The following CDC14B variants were observed in gnomAD, a reference collection of about 807,000 sequenced individuals.
CDC14B encodes dual specificity protein phosphatase CDC14B.
In CDC14B, 22 loss-of-function variants were observed where a neutral mutation model predicts 64.2. The ratio of observed to expected loss-of-function variants is 0.34; its 90% CI spans 0.24 to 0.49. The LOEUF (loss-of-function observed/expected upper bound fraction) is 0.49. CDC14B is among the 20% of genes least tolerant of loss of function. The probability of loss-of-function intolerance (pLI) is 0.99; values close to 1 mark genes in which losing one functional copy is unlikely to be tolerated. For synonymous variants in CDC14B, 191 were observed against 215.8 expected, an observed-to-expected ratio of 0.89 and a Z score of 1.01; for missense variants, 498 against 629.9, an observed-to-expected ratio of 0.79 and a Z score of 2.24.
intron 1 of CDC14B, among the ~76,000 whole-genome samples, chr9:96,580,202 C>T (rs1041466517): frequency 1.3e-5 from 2 of 151,174 alleles, no homozygotes; most frequent in African/African-American, 4.9e-5. Context: ...TGATAGCAAT[C>T]CTAGGGAAAG....
intron 1 of CDC14B, among the ~76,000 whole-genome samples, chr9:96,569,742 A>G (rs1844362806): frequency 6.6e-6 from 1 of 152,078 alleles, no homozygotes; most frequent in African/African-American, 2.4e-5. Flanking sequence ...CTCCTGCCTC[A>G]GCCTCCCAAG....
chr9:96,503,547 C>A lies in CDC14B; in HGVS notation c.*206G>T, dbSNP rs1564187024. On this transcript the variant is annotated 3_prime_UTR_variant, in exon 14 of 14. Transcript: ENST00000375241. ...GCATGTTTGTCATTCAGCTTGAGAG[C>A]TGGACCCTTCTCTGAGTCATTTGCT... 1.4e-5 allele frequency: 8 copies of A among 585,616 alleles called. No homozygotes were observed. Among genetic ancestry groups the A allele is most frequent in the Non-Finnish European group, 2.1e-5 (7 of 331,800 alleles). The allele number at this position is 585,616 out of a possible 1,614,324, so 36.3% of individuals were successfully genotyped here.
chr9:96,534,324 T>C (rs1838963726), intron 8 of CDC14B, 131 bp downstream of exon 8: 1 of 770,186 alleles, frequency 1.3e-6, no homozygotes, highest in Admixed American at 2.8e-5. Context: ...GTCAGAATGA[T>C]CTACTGAAGT....
chr9:96,568,156 C>T (rs1263820953), intron 1 of CDC14B, among the ~76,000 whole-genome samples: 1 of 152,074 alleles, frequency 6.6e-6, no homozygotes, highest in East Asian at 1.9e-4. Flanking sequence ...ATACTTTTGC[C>T]TCAAAAGTAA....
chr9:96,591,664 T>C (rs939920274), intron 1 of CDC14B, among the ~76,000 whole-genome samples: 5 of 152,194 alleles, frequency 3.3e-5, no homozygotes. Flanking sequence ...TGCAGATAGC[T>C]TTAGGTAGTT....
intron 1 of CDC14B, among the ~76,000 whole-genome samples, chr9:96,606,823 C>A (rs1389358322): frequency 6.6e-6 from 1 of 152,028 alleles, no homozygotes; most frequent in Non-Finnish European, 1.5e-5. Flanking sequence ...GCCTCAGCCT[C>A]CCAAAGTGCT....
intron 1 of CDC14B, among the ~76,000 whole-genome samples, chr9:96,589,387 C>T (rs1845653856): frequency 6.6e-6 from 1 of 151,438 alleles, no homozygotes. Flanking sequence ...TTTTGTTTAA[C>T]TTGAATGAAT....
rs369525797 is a variant in CDC14B at position 96,565,402 on chromosome 9, T to C, written c.242A>G (p.Glu81Gly). 2.5e-5 allele frequency: 39 copies of C among 1,587,918 alleles called. No homozygotes were observed. The highest frequency in any genetic ancestry group is 1.7e-4 in the Middle Eastern group (1 of 6,046). The stretch of plus-strand genomic sequence containing the variant: ...AAAGAGCAATACTTACTTCTCATAT[T>C]CAAGTTCATTATCTATGCTGAAATA... Reference protein sequence around the residue: ...VHYFSIDNELEYENFYADFGP... With the variant: ...VHYFSIDNELGYENFYADFGP... The change falls in exon 2 of 14, where the codon GAA becomes GGA. Residue 81 changes from glutamate (E) to glycine (G), a missense_variant. Transcript: ENST00000375241.
chr9:96,571,786 C>G (rs1357877421), intron 1 of CDC14B, among the ~76,000 whole-genome samples: 1 of 152,120 alleles, frequency 6.6e-6, no homozygotes, highest in Non-Finnish European at 1.5e-5. Flanking sequence ...TTTTCCTGCT[C>G]TCCTTTCCCC....
Position 96,541,873 on chromosome 9 carries a change from A to T in CDC14B, c.517T>A (p.Cys173Ser). Residue 173 changes from cysteine (C) to serine (S), a missense_variant, in exon 6 of 14, where the codon TGC (cysteine) becomes AGC (serine). Cys to Ser is a moderately radical substitution (Grantham distance 112). Coordinates refer to ENST00000375241, the MANE Select transcript of CDC14B (RefSeq NM_033331.4). ...IPFRDAAYGS[C>S]NFYITLLDCF... Reference sequence around the variant, plus strand: ...TCAAGAAGTGTAATGTAGAAATTGCAACTTCCATAGGCAGCATCTCTGAAA... The same window carrying T: ...TCAAGAAGTGTAATGTAGAAATTGCTACTTCCATAGGCAGCATCTCTGAAA... 2.5e-6 allele frequency: 4 copies of T among 1,609,550 alleles called. No individual in the cohort carries two copies. The highest frequency in any genetic ancestry group is 3.4e-6 in the Non-Finnish European group (4 of 1,176,896).
chr9:96,498,607 G>T (rs868526282), downstream of CDC14B, among the ~76,000 whole-genome samples: 1 of 152,192 alleles, frequency 6.6e-6, no homozygotes, highest in Non-Finnish European at 1.5e-5. Context: ...TATGCTGCAG[G>T]TACCAAAAAT....
At chr9:96,549,214 T>C (rs943967380) in intron 5 of CDC14B, among the ~76,000 whole-genome samples, 1 of 152,134 alleles carries the variant, frequency 6.6e-6, no homozygotes, top group Admixed American at 6.6e-5. Context: ...AATAAATTAC[T>C]AGAAAAATGA....
chr9:96,572,741 A>G (rs1249653240), intron 1 of CDC14B, among the ~76,000 whole-genome samples: 30 of 152,214 alleles, frequency 2.0e-4, no homozygotes, highest in Admixed American at 2.0e-3. Flanking sequence ...ATCAACACTC[A>G]TTTCCAATTA....
chr9:96,519,730 T>TAAAAA (rs59101582), intron 12 of CDC14B, among the ~76,000 whole-genome samples: 5 of 111,366 alleles, frequency 4.5e-5, no homozygotes, highest in Non-Finnish European at 7.7e-5. Context: ...GACTCTGTCT[T>TAAAAA]AAAAAAAAAA....
At chr9:96,586,627 G>T (rs750069905) in intron 1 of CDC14B, among the ~76,000 whole-genome samples, 1 of 151,920 alleles carries the variant, frequency 6.6e-6, no homozygotes, top group African/African-American at 2.4e-5. Context: ...GTGGAGATGG[G>T]GTCTTGCCAT....
chr9:96,527,418 T>A (rs1038403089), intron 9 of CDC14B, among the ~76,000 whole-genome samples: 2 of 151,874 alleles, frequency 1.3e-5, no homozygotes, highest in African/African-American at 4.8e-5. Flanking sequence ...AACAAAAAAA[T>A]TCTGTATTGG....
At chr9:96,611,091 G>GAA (rs1235924277) in intron 1 of CDC14B, among the ~76,000 whole-genome samples, 3 of 118,142 alleles carry the variant, frequency 2.5e-5, no homozygotes, top group African/African-American at 9.2e-5. Context: ...AAAAGCTATA[G>GAA]AAAAAAAAAA....
intron 4 of CDC14B, among the ~76,000 whole-genome samples, chr9:96,561,273 G>T (rs966359774): frequency 6.6e-6 from 1 of 152,170 alleles, no homozygotes; most frequent in African/African-American, 2.4e-5. Context: ...TGCTGTTAAT[G>T]ATATACCTTA....
intron 1 of CDC14B, among the ~76,000 whole-genome samples, chr9:96,609,875 T>C (rs1847195357): frequency 6.6e-6 from 1 of 152,234 alleles, no homozygotes; most frequent in Non-Finnish European, 1.5e-5. Flanking sequence ...ATGAAGTTGA[T>C]ATGTGATCTT....
Sources: gnomAD v4.1 joint callset for allele counts (sites outside exome capture counted in the v4.1 genomes callset) on GRCh38, gnomAD v4.1.1 for gene constraint, MANE v1.5 for transcripts, NCBI Gene and HGNC (gene_info 2026-07-23, HGNC 2026-07-21) for gene names.